The following HYDIN variants were observed in gnomAD, a reference collection of about 807,000 sequenced individuals.
HYDIN encodes the protein axonemal central pair apparatus protein HYDIN.
HYDIN carries 132 observed loss-of-function variants against 403.9 expected under a neutral mutation model. That is an observed-to-expected ratio of 0.33 (90% CI 0.28 to 0.38). HYDIN has a LOEUF of 0.38. Ranked by LOEUF, HYDIN falls within the 10% of genes least tolerant of loss-of-function variation. The probability of loss-of-function intolerance (pLI) is 1.00; values close to 1 mark genes in which losing one functional copy is unlikely to be tolerated. For missense variants in HYDIN, 2,827 were observed against 5,009.5 expected (o/e 0.56, Z 13.15); for synonymous variants, 1,202 against 1,891.7 (o/e 0.64, Z 9.46).
In HYDIN at chr16:71,048,708, G is replaced by C. The variant is rs1302062837; in HGVS notation, c.2529+11796C>G. Reference sequence around the variant, plus strand: ...ACAAAGAAGGGAACAAAAGATTCTGGAACCTACTTGAGGTGGAGGGTGGAA... The same window carrying C: ...ACAAAGAAGGGAACAAAAGATTCTGCAACCTACTTGAGGTGGAGGGTGGAA... On this transcript the variant is annotated intron_variant, in intron 18 of 85. Coordinates refer to ENST00000393567, the MANE Select transcript of HYDIN (RefSeq NM_001270974.2). Among the ~76,000 whole-genome samples the C allele has an allele frequency of 3.3e-5, 5 of 152,126 alleles. No individual in the cohort carries two copies. In the South Asian group the frequency reaches 1.0e-3, roughly 31 times the overall value.
chr16:70,941,728 G>A lies in HYDIN; in HGVS notation c.6761C>T (p.Ala2254Val), dbSNP rs756877080. Residue 2254 changes from alanine to valine, a missense_variant, in exon 43 of 86, where the codon GCC (alanine) becomes GTC (valine). Coordinates refer to ENST00000393567, the MANE Select transcript of HYDIN (RefSeq NM_001270974.2). Reference protein sequence around the residue: ...AAAALLCLLKAIGSREHIYIL... With the variant: ...AAAALLCLLKVIGSREHIYIL... ...GTATATATGCTCCCGGCTGCCAATG[G>A]CCTTCAGCAGGCAGAGGAGGGCGGC... 1.3e-6 allele frequency: 2 copies of A among 1,594,298 alleles called. No individual in the cohort carries two copies. The highest frequency in any genetic ancestry group is 8.5e-7 in the Non-Finnish European group (1 of 1,171,384).
In HYDIN at chr16:71,192,831, T is replaced by C. The variant is rs75224862; in HGVS notation, c.-23-5913A>G. Among the ~76,000 whole-genome samples, 1,808 of 152,326 alleles carry C rather than the reference T, an allele frequency of 0.012. 105 individuals carry two copies. In the East Asian group the frequency reaches 0.16, roughly 14 times the overall value. Reference sequence around the variant, plus strand: ...GTACAGGGCCTCATACATATACTAATCTAATAAATGTGGTTAATTAATTAA... The same window carrying C: ...GTACAGGGCCTCATACATATACTAACCTAATAAATGTGGTTAATTAATTAA... On this transcript the variant is annotated intron_variant, in intron 1 of 85. Coordinates refer to ENST00000393567, the MANE Select transcript of HYDIN (RefSeq NM_001270974.2).
intron 83 of HYDIN, among the ~76,000 whole-genome samples, chr16:70,821,367 G>A (rs1419909899): frequency 6.6e-6 from 1 of 150,880 alleles, no homozygotes; most frequent in African/African-American, 2.4e-5. Context: ...AACATGTTTT[G>A]CAGTAATGTA....
intron 23 of HYDIN, among the ~76,000 whole-genome samples, chr16:71,004,544 C>T (rs929906559): frequency 7.2e-5 from 11 of 151,876 alleles, no homozygotes; most frequent in African/African-American, 2.4e-4. Context: ...AATGTTAAAC[C>T]AACCTTGCAT....
intron 67 of HYDIN, among the ~76,000 whole-genome samples, chr16:70,864,817 C>T (rs578034219): frequency 6.6e-6 from 1 of 152,194 alleles, no homozygotes; most frequent in South Asian, 2.1e-4. Context: ...GTCTTTGTGT[C>T]CCATACGGTC....
At chr16:71,110,464 T>A (rs955828489) in intron 10 of HYDIN, among the ~76,000 whole-genome samples, 21 of 142,336 alleles carry the variant, frequency 1.5e-4, no homozygotes, top group Admixed American at 2.9e-4. Flanking sequence ...TAAATATATA[T>A]AAACATATAT....
intron 34 of HYDIN, 108 bp downstream of exon 34, chr16:70,973,721 A>G (rs2143991540): frequency 2.6e-6 from 3 of 1,168,120 alleles, no homozygotes; most frequent in Non-Finnish European, 3.6e-6. Context: ...GTTGCCACTG[A>G]AAGTCTTTGA....
At chr16:71,062,536 G>T in intron 16 of HYDIN, 1 of 527,852 alleles carries the variant, frequency 1.9e-6, no homozygotes, top group Non-Finnish European at 3.3e-6. Flanking sequence ...AAAATTCAAA[G>T]TGCCCAGCAC....
chr16:71,209,704 CA>C (rs2088485733), intron 1 of HYDIN, among the ~76,000 whole-genome samples: 2 of 152,276 alleles, frequency 1.3e-5, no homozygotes, highest in Non-Finnish European at 2.9e-5. Flanking sequence ...GATACTAAAT[CA>C]ATTTACAAAA....
intron 10 of HYDIN, among the ~76,000 whole-genome samples, chr16:71,097,417 G>A (rs2083303757): frequency 1.2e-5 from 1 of 85,648 alleles, no homozygotes; most frequent in Non-Finnish European, 2.0e-5. Context: ...TTGGATCTTG[G>A]CCCCATGTTC....
intron 84 of HYDIN, among the ~76,000 whole-genome samples, chr16:70,813,239 C>T (rs1233765901): frequency 1.3e-5 from 2 of 151,490 alleles, no homozygotes; most frequent in Non-Finnish European, 3.0e-5. Flanking sequence ...GTGTGAGCCA[C>T]CGCGCCCGGC....
chr16:71,115,876 C>T, intron 9 of HYDIN, 81 bp from the exon 10 acceptor site: 1 of 862,530 alleles, frequency 1.2e-6, no homozygotes, highest in East Asian at 2.5e-5. Flanking sequence ...ATTAAAACTC[C>T]AATAAATTTT....
intron 1 of HYDIN, among the ~76,000 whole-genome samples, chr16:71,202,542 G>A (rs2088073411): frequency 6.6e-6 from 1 of 152,176 alleles, no homozygotes; most frequent in South Asian, 2.1e-4. Context: ...CTTTATGAAA[G>A]AAATCTAAGC....
At chr16:70,996,355 C>T (rs1034887281) in intron 23 of HYDIN, among the ~76,000 whole-genome samples, 5 of 152,112 alleles carry the variant, frequency 3.3e-5, no homozygotes, top group Non-Finnish European at 7.3e-5. Flanking sequence ...GCTAAGAGGC[C>T]AGTGGATCAG....
At chr16:70,923,540 A>C (rs372116570) in intron 45 of HYDIN, among the ~76,000 whole-genome samples, 1 of 123,178 alleles carries the variant, frequency 8.1e-6, no homozygotes, top group South Asian at 2.9e-4. Flanking sequence ...TGGTGGCTCA[A>C]GCCTGTAATC....
At chr16:71,034,025 A>G (rs2081004917) in intron 18 of HYDIN, among the ~76,000 whole-genome samples, 1 of 152,044 alleles carries the variant, frequency 6.6e-6, no homozygotes, top group Non-Finnish European at 1.5e-5. Flanking sequence ...AGTTCATCAG[A>G]AAAGAGTTTG....
intron 38 of HYDIN, 92 bp downstream of exon 38, chr16:70,961,867 G>C: frequency 1.1e-6 from 1 of 944,292 alleles, no homozygotes; most frequent in Non-Finnish European, 1.6e-6. Flanking sequence ...AGCCATACGA[G>C]GAGGCTTAGA....
At chr16:71,210,966 T>C (rs1344374848) in intron 1 of HYDIN, among the ~76,000 whole-genome samples, 2 of 151,970 alleles carry the variant, frequency 1.3e-5, no homozygotes, top group African/African-American at 2.4e-5. Context: ...AAGAGATAAA[T>C]ATAAAATAAA....
chr16:70,829,343 C>T (rs2036805702), intron 81 of HYDIN, among the ~76,000 whole-genome samples: 1 of 148,098 alleles, frequency 6.8e-6, no homozygotes, highest in Middle Eastern at 3.4e-3. Context: ...AAGCAATTCT[C>T]CTGCCTCAGC....
Sources: allele counts gnomAD v4.1 joint callset (sites outside exome capture counted in the v4.1 genomes callset), GRCh38; gene constraint gnomAD v4.1.1; transcripts MANE v1.5; gene names NCBI Gene and HGNC (gene_info 2026-07-23, HGNC 2026-07-21).